The following ELAVL2 variants were observed in gnomAD, a reference collection of about 807,000 sequenced individuals.
ELAVL2 encodes the protein ELAV like RNA binding protein 2, also known as ELAV-like protein 2.
In ELAVL2, 4 loss-of-function variants were observed where a neutral mutation model predicts 34.6. The ratio of observed to expected loss-of-function variants is 0.12; its 90% CI spans 0.06 to 0.26. The LOEUF is 0.26. Among genes scored for constraint, ELAVL2 ranks in the 10% least tolerant of loss-of-function variants. The pLI, the probability that ELAVL2 is intolerant of heterozygous loss-of-function variation, is 1.00. For missense variants in ELAVL2, 432 were observed against 442.8 expected, an observed-to-expected ratio of 0.98 and a Z score of 0.22; for synonymous variants, 193 against 154.8, an observed-to-expected ratio of 1.25 and a Z score of -1.83.
At chr9:23,824,516 C>G (rs1206095192) in intron 1 of ELAVL2, among the ~76,000 whole-genome samples, 1 of 152,096 alleles carries the variant, frequency 6.6e-6, no homozygotes, top group East Asian at 1.9e-4. Context: ...GTAGCTTTTT[C>G]CCATCCTCTG....
intron 5 of ELAVL2, among the ~76,000 whole-genome samples, chr9:23,697,628 A>C (rs1048112729): frequency 6.6e-6 from 1 of 152,160 alleles, no homozygotes; most frequent in Non-Finnish European, 1.5e-5. Flanking sequence ...TCCAATTATA[A>C]CCTGTCAAAA....
At chr9:23,847,676 G>C in the ELAVL2 span, among the ~76,000 whole-genome samples, 1 of 152,048 alleles carries the variant, frequency 6.6e-6, no homozygotes, top group Non-Finnish European at 1.5e-5. Context: ...ATTGGTAAGT[G>C]TACTTTTACA....
chr9:23,749,783 C>T (rs769701334), intron 2 of ELAVL2, among the ~76,000 whole-genome samples: 7 of 152,074 alleles, frequency 4.6e-5, no homozygotes, highest in Admixed American at 6.6e-5. Context: ...AAAGGCTTCT[C>T]CATCAATTTG....
At chr9:23,771,679 A>G (rs1203702326) in intron 1 of ELAVL2, among the ~76,000 whole-genome samples, 1 of 152,160 alleles carries the variant, frequency 6.6e-6, no homozygotes, top group African/African-American at 2.4e-5. Context: ...TTTGTAATCT[A>G]TGTGAGCCCC....
chr9:23,710,866 A>G (rs2040743198), intron 3 of ELAVL2, among the ~76,000 whole-genome samples: 1 of 152,292 alleles, frequency 6.6e-6, no homozygotes, highest in Non-Finnish European at 1.5e-5. Flanking sequence ...AGGTGGCTAC[A>G]TCGGACCTTC....
At chr9:23,844,771 G>A in the ELAVL2 span, among the ~76,000 whole-genome samples, 5 of 151,810 alleles carry the variant, frequency 3.3e-5, no homozygotes, top group Admixed American at 1.3e-4. Flanking sequence ...CAAGCGAGGC[G>A]GTATGTAGCT....
chr9:23,775,015 C>T (rs2057970508), intron 1 of ELAVL2, among the ~76,000 whole-genome samples: 1 of 152,076 alleles, frequency 6.6e-6, no homozygotes, highest in Non-Finnish European at 1.5e-5. Context: ...CAAAAATGAC[C>T]TGAATTTAAA....
chr9:23,826,445 A>G (rs2065304519), upstream of ELAVL2: 1 of 152,336 alleles, frequency 6.6e-6, no homozygotes, highest in Non-Finnish European at 1.5e-5. Context: ...GAGGCCGCCC[A>G]GGCGGGGCCG....
chr9:23,707,759 A>G (rs2039788496), intron 3 of ELAVL2, among the ~76,000 whole-genome samples: 1 of 152,230 alleles, frequency 6.6e-6, no homozygotes, highest in Non-Finnish European at 1.5e-5. Context: ...TTTCTAATCC[A>G]CATGAAAAGC....
intron 1 of ELAVL2, among the ~76,000 whole-genome samples, chr9:23,807,211 T>C (rs1564544331): frequency 6.6e-6 from 1 of 152,128 alleles, no homozygotes; most frequent in Admixed American, 6.6e-5. Context: ...TCTAATAAGG[T>C]GGTCAGAAAG....
intron 1 of ELAVL2, chr9:23,779,400 T>C (rs1416228674): frequency 4.1e-6 from 4 of 985,220 alleles, no homozygotes; most frequent in Non-Finnish European, 4.8e-6. Flanking sequence ...ACACTGGCTA[T>C]TTATAGCACA....
intron 1 of ELAVL2, chr9:23,783,479 A>G: frequency 5.1e-6 from 5 of 985,464 alleles, no homozygotes; most frequent in Non-Finnish European, 6.0e-6. Flanking sequence ...ACCTGAAAAC[A>G]ACGAGGTTCA....
intron 1 of ELAVL2, chr9:23,821,950 C>G (rs1226588466): frequency 6.6e-6 from 1 of 151,450 alleles, no homozygotes; most frequent in Non-Finnish European, 1.5e-5. Context: ...CCCTGCCCGA[C>G]CGCCCTTCGG....
At chr9:23,774,916 C>A (rs1442248531) in intron 1 of ELAVL2, among the ~76,000 whole-genome samples, 1 of 152,068 alleles carries the variant, frequency 6.6e-6, no homozygotes, top group African/African-American at 2.4e-5. Context: ...ATCAAGTTTC[C>A]ACAATTAATG....
rs968962141 is a variant in ELAVL2, at chr9:23,711,617, C to T, written c.334-6546G>A. ...AGACACCTCATGGGTATCACCTAGT[C>T]CCTAAAGTCAACACTAATCAGTCCT... is the stretch of plus-strand genomic sequence containing the variant. On this transcript the variant is annotated intron_variant, in intron 3 of 6. Transcript: ENST00000397312. Among the ~76,000 whole-genome samples the T allele has an allele frequency of 9.9e-5, 15 of 152,170 alleles. No individual in the cohort carries two copies. In the East Asian group the frequency reaches 2.9e-3, roughly 29 times the overall value.
chr9:23,713,319 T>C (rs564998373), intron 3 of ELAVL2, among the ~76,000 whole-genome samples: 90 of 152,288 alleles, frequency 5.9e-4, no homozygotes, highest in African/African-American at 2.1e-3. Flanking sequence ...AATAAAACAA[T>C]TGAGCAATGG....
chr9:23,751,030 A>G (rs1370252799), intron 2 of ELAVL2, among the ~76,000 whole-genome samples: 1 of 152,154 alleles, frequency 6.6e-6, no homozygotes, highest in Non-Finnish European at 1.5e-5. Context: ...AAGGTCAAAC[A>G]GGTTGTAAAG....
chr9:23,772,344 A>C (rs1250075325), intron 1 of ELAVL2, among the ~76,000 whole-genome samples: 1 of 152,140 alleles, frequency 6.6e-6, no homozygotes, highest in Non-Finnish European at 1.5e-5. Flanking sequence ...AGAATGACTA[A>C]TCTTAAAGGG....
Position 23,820,950 on chromosome 9 carries a change from G to T in ELAVL2, c.-16+4856C>A, listed in dbSNP as rs528508820. ...CGGGCCTCACCTAACGCGCACGAGG[G>T]GATCATCATTGCTCCTGCCCTGGGC... On this transcript the variant is annotated intron_variant, in intron 1 of 6. Transcript: ENST00000397312. 8.7e-4 allele frequency among the ~76,000 whole-genome samples: 132 copies of T among 152,250 alleles called. 1 individual carries two copies. Among genetic ancestry groups the T allele is most frequent in the Middle Eastern group, 6.8e-3 (2 of 294 alleles).
Sources: allele counts gnomAD v4.1 joint callset (sites outside exome capture counted in the v4.1 genomes callset), GRCh38; gene constraint gnomAD v4.1.1; transcripts MANE v1.5; gene names NCBI Gene and HGNC (gene_info 2026-07-23, HGNC 2026-07-21).